The following NELL2 variants were observed in gnomAD, a reference collection of about 807,000 sequenced individuals.
The protein encoded by NELL2 is protein kinase C-binding protein NELL2.
In NELL2, 41 loss-of-function variants were observed where a neutral mutation model predicts 109.6. The ratio of observed to expected loss-of-function variants is 0.37; its 90% CI spans 0.29 to 0.49. The LOEUF is 0.49. Among genes scored for constraint, NELL2 ranks in the 20% least tolerant of loss-of-function variants. The probability of loss-of-function intolerance (pLI) is 0.98; values close to 1 mark genes in which losing one functional copy is unlikely to be tolerated. For missense variants in NELL2, 900 were observed against 1,008.3 expected (o/e 0.89, Z 1.45); for synonymous variants, 355 against 344.7 (o/e 1.03, Z -0.33).
At chr12:44,601,159 T>C (rs1945204848) in intron 15 of NELL2, among the ~76,000 whole-genome samples, 2 of 152,144 alleles carry the variant, frequency 1.3e-5, no homozygotes, top group South Asian at 4.1e-4. Context: ...GCTATTTTTT[T>C]CCTCTTACAT....
At chr12:44,571,433 A>G (rs1943869107) in intron 15 of NELL2, among the ~76,000 whole-genome samples, 1 of 152,162 alleles carries the variant, frequency 6.6e-6, no homozygotes, top group Non-Finnish European at 1.5e-5. Context: ...GTGAAAGTTG[A>G]GAATGCTTAT....
intron 2 of NELL2, among the ~76,000 whole-genome samples, chr12:44,827,180 G>A (rs1253138702): frequency 6.6e-6 from 1 of 152,002 alleles, no homozygotes; most frequent in African/African-American, 2.4e-5. Context: ...ATCCAAGGTA[G>A]GTATATATAT....
intron 18 of NELL2, among the ~76,000 whole-genome samples, chr12:44,521,566 C>G (rs895231641): frequency 2.0e-5 from 3 of 149,460 alleles, no homozygotes; most frequent in Non-Finnish European, 4.4e-5. Context: ...GTGGGGGAGG[C>G]GGAGTTGCTT....
intron 3 of NELL2, among the ~76,000 whole-genome samples, chr12:44,784,197 GT>G (rs1182308392): frequency 1.3e-5 from 2 of 152,068 alleles, no homozygotes; most frequent in East Asian, 3.9e-4. Flanking sequence ...ATAAACTACA[GT>G]TAACATCATA....
At chr12:44,811,337 T>TAAAAAAAAAAAAAAA (rs10683929) in intron 3 of NELL2, among the ~76,000 whole-genome samples, 4 of 103,178 alleles carry the variant, frequency 3.9e-5, no homozygotes, top group African/African-American at 8.1e-5. Context: ...GAACTAAAAG[T>TAAAAAAAAAAAAAAA]AAAAAAAAAA....
intron 13 of NELL2, among the ~76,000 whole-genome samples, chr12:44,633,201 A>G (rs1397313935): frequency 6.6e-6 from 1 of 152,116 alleles, no homozygotes; most frequent in Non-Finnish European, 1.5e-5. Context: ...CCAGAGAGAC[A>G]TGATAAAAGG....
intron 9 of NELL2, among the ~76,000 whole-genome samples, chr12:44,734,069 T>C (rs73285426): frequency 0.075 from 11,413 of 152,020 alleles, 1,388 homozygotes; most frequent in African/African-American, 0.26. Context: ...AATTATTTTG[T>C]GTGCTCATAG....
chr12:44,842,344 G>A (rs1243158989), intron 2 of NELL2, among the ~76,000 whole-genome samples: 1 of 152,036 alleles, frequency 6.6e-6, no homozygotes, highest in African/African-American at 2.4e-5. Context: ...AATGGGGAAA[G>A]GACATTGTTT....
intron 1 of NELL2, among the ~76,000 whole-genome samples, chr12:44,905,642 A>T (rs906535540): frequency 4.6e-5 from 7 of 152,070 alleles, no homozygotes; most frequent in South Asian, 2.1e-4. Flanking sequence ...TCTCTTCCCA[A>T]ATTATTTTTT....
At chr12:44,749,350 T>C (rs1940542852) in intron 9 of NELL2, among the ~76,000 whole-genome samples, 1 of 152,196 alleles carries the variant, frequency 6.6e-6, no homozygotes, top group African/African-American at 2.4e-5. Flanking sequence ...CTTCTATGTG[T>C]AAGAAAGAAT....
At chr12:44,514,304 G>C (rs1048546187) in intron 19 of NELL2, among the ~76,000 whole-genome samples, 1 of 151,878 alleles carries the variant, frequency 6.6e-6, no homozygotes, top group African/African-American at 2.4e-5. Context: ...ACCAGATGGA[G>C]ACTCCAATAT....
At chr12:44,852,989 G>A (rs1944577336) in intron 2 of NELL2, among the ~76,000 whole-genome samples, 1 of 152,100 alleles carries the variant, frequency 6.6e-6, no homozygotes, top group Non-Finnish European at 1.5e-5. Flanking sequence ...GAGGCTTAGT[G>A]TCTTCAAGGT....
At chr12:44,609,539 T>C (rs181469462) in intron 14 of NELL2, among the ~76,000 whole-genome samples, 33 of 152,196 alleles carry the variant, frequency 2.2e-4, no homozygotes, top group African/African-American at 7.9e-4. Context: ...AAAGCAAAAC[T>C]GTGGGTAAGA....
chr12:44,639,109 T>G (rs1320943177), intron 13 of NELL2, among the ~76,000 whole-genome samples: 1 of 152,148 alleles, frequency 6.6e-6, no homozygotes, highest in Non-Finnish European at 1.5e-5. Context: ...TGAGCAAAAT[T>G]TCAAATGCTG....
intron 15 of NELL2, among the ~76,000 whole-genome samples, chr12:44,556,556 C>G (rs954077384): frequency 6.6e-6 from 1 of 152,152 alleles, no homozygotes; most frequent in Non-Finnish European, 1.5e-5. Flanking sequence ...GGAGCAATTC[C>G]TCTACCTAAA....
intron 2 of NELL2, among the ~76,000 whole-genome samples, chr12:44,847,957 G>A (rs1317077317): frequency 6.6e-6 from 1 of 151,296 alleles, no homozygotes; most frequent in Non-Finnish European, 1.5e-5. Flanking sequence ...ACTTGAACCT[G>A]GGAGTCGGAG....
chr12:44,804,553 G>A (rs1942936947), intron 3 of NELL2, among the ~76,000 whole-genome samples: 1 of 151,746 alleles, frequency 6.6e-6, no homozygotes, highest in Non-Finnish European at 1.5e-5. Context: ...GTTAAAAGTT[G>A]AATTCTATTT....
chr12:44,732,753 G>A (rs1418649730), intron 9 of NELL2, among the ~76,000 whole-genome samples: 3 of 151,974 alleles, frequency 2.0e-5, no homozygotes, highest in South Asian at 4.1e-4. Context: ...ACACTCAACA[G>A]AATGAAAGGC....
intron 13 of NELL2, among the ~76,000 whole-genome samples, chr12:44,658,877 C>CAAAAAAAAAAAAAAAAAA (rs58696965): frequency 1.6e-4 from 11 of 69,864 alleles, no homozygotes; most frequent in Non-Finnish European, 1.8e-4. Context: ...ACTCTGTCTC[C>CAAAAAAAAAAAAAAAAAA]AAAAAAAAAA....
Sources: gnomAD v4.1 joint callset for allele counts (sites outside exome capture counted in the v4.1 genomes callset) on GRCh38, gnomAD v4.1.1 for gene constraint, MANE v1.5 for transcripts, NCBI Gene and HGNC (gene_info 2026-07-23, HGNC 2026-07-21) for gene names.